ZDHHC11B: variants seen among roughly 807,000 people sequenced by gnomAD.
The protein encoded by ZDHHC11B is probable palmitoyltransferase ZDHHC11B.
A neutral mutation model predicts 42.3 loss-of-function variants in ZDHHC11B; 17 were observed. That is an observed-to-expected ratio of 0.40 (90% CI 0.27 to 0.60). ZDHHC11B has a LOEUF of 0.60. Among genes scored for constraint, ZDHHC11B ranks in the 20% least tolerant of loss-of-function variants. The pLI is 0.41. For missense variants in ZDHHC11B, 262 were observed against 463.2 expected (o/e 0.57, Z 3.99); for synonymous variants, 123 against 193.5 (o/e 0.64, Z 3.02).
At chr5:724,662 TACACACACACACACAC>T (rs58690111) in intron 12 of ZDHHC11B, among the ~76,000 whole-genome samples, 1 of 145,038 alleles carries the variant, frequency 6.9e-6, no homozygotes, top group Non-Finnish European at 1.5e-5. Context: ...GACCATCAGT[TACACACACACACACAC>T]ACACACACAC....
intron 4 of ZDHHC11B, among the ~76,000 whole-genome samples, chr5:763,853 C>T (rs1316133096): frequency 7.2e-5 from 11 of 151,802 alleles, no homozygotes; most frequent in South Asian, 2.1e-4. Context: ...TGAAATTTCC[C>T]GATGTCCGAG....
chr5:766,559 A>T (rs1437601139), intron 4 of ZDHHC11B, 139 bp downstream of exon 4: 6 of 994,892 alleles, frequency 6.0e-6, no homozygotes, highest in Non-Finnish European at 8.9e-6. Context: ...GCCCACCTGC[A>T]GGCTCGGGGG....
chr5:734,038 G>A (rs143407622), intron 10 of ZDHHC11B, among the ~76,000 whole-genome samples, 199 bp from the exon 11 acceptor site: 10,192 of 137,828 alleles, frequency 0.074, 553 homozygotes, highest in African/African-American at 0.25. Context: ...GAAGCTTCTC[G>A]TGTAAAGGAC....
intron 1 of ZDHHC11B, among the ~76,000 whole-genome samples, chr5:783,948 C>T (rs1173676211): frequency 4.6e-5 from 7 of 150,706 alleles, no homozygotes; most frequent in African/African-American, 9.8e-5. Flanking sequence ...TCACCTCCCT[C>T]GGCTCCGTTT....
chr5:732,566 C>A, intron 11 of ZDHHC11B: 1 of 429,518 alleles, frequency 2.3e-6, no homozygotes, highest in Middle Eastern at 4.8e-4. Context: ...AAGTCTTGGA[C>A]ACCAGCCTCA....
intron 1 of ZDHHC11B, among the ~76,000 whole-genome samples, chr5:777,036 G>A (rs900495860): frequency 6.6e-6 from 1 of 151,860 alleles, no homozygotes; most frequent in African/African-American, 2.4e-5. Context: ...CAGTGTGTCT[G>A]GAATTGGTGG....
chr5:758,342 C>T (rs1734133663), intron 4 of ZDHHC11B, among the ~76,000 whole-genome samples: 1 of 151,932 alleles, frequency 6.6e-6, no homozygotes, highest in Non-Finnish European at 1.5e-5. Context: ...GCAGGTGAAG[C>T]TCAGGCTGAG....
chr5:718,774 A>C (rs1741969261), intron 12 of ZDHHC11B, among the ~76,000 whole-genome samples: 1 of 151,584 alleles, frequency 6.6e-6, no homozygotes, highest in South Asian at 2.1e-4. Context: ...TGAGCCAGCT[A>C]CCGCCTCGAT....
At chr5:769,605 G>A (rs57145013) in intron 1 of ZDHHC11B, among the ~76,000 whole-genome samples, 8 of 151,712 alleles carry the variant, frequency 5.3e-5, no homozygotes, top group East Asian at 1.9e-4. Context: ...TTCCTCACGC[G>A]AGCCCGCGAG....
intron 3 of ZDHHC11B, 75 bp from the exon 4 acceptor site, chr5:766,994 C>T: frequency 1.3e-6 from 2 of 1,518,814 alleles, no homozygotes; most frequent in South Asian, 1.2e-5. Context: ...TCAGGGAGAC[C>T]ACGGGGACTG....
chr5:753,866 C>T lies in ZDHHC11B; in HGVS notation c.503+1132G>A, dbSNP rs536074921. On this transcript the variant is annotated intron_variant, in intron 6 of 13. Coordinates refer to ENST00000508859, the MANE Select transcript of ZDHHC11B (RefSeq NM_001351303.2). ...CAGGCAACGTTGGTCCCCACTCCCA[C>T]GCACACCAAGGCCTCTTTCAGGTCA... is the stretch of plus-strand genomic sequence containing the variant. 8.6e-4 allele frequency among the ~76,000 whole-genome samples: 126 copies of T among 146,694 alleles called. 7 individuals are homozygous for T. Among genetic ancestry groups the T allele is most frequent in the African/African-American group, 2.4e-3 (97 of 40,694 alleles).
At chr5:716,748 G>A (rs1561111412) in intron 13 of ZDHHC11B, 53 bp downstream of exon 13, 7 of 1,608,904 alleles carry the variant, frequency 4.4e-6, no homozygotes, top group Non-Finnish European at 6.0e-6. Context: ...TCACTCTCTA[G>A]AGAACCAAAC....
In ZDHHC11B at chr5:753,423, CG is replaced by C. The variant is rs1482065781; in HGVS notation, c.503+1574del. 1.5e-5 allele frequency among the ~76,000 whole-genome samples: 2 copies of C among 131,182 alleles called. 1 individual carries two copies. The highest frequency in any genetic ancestry group is 1.7e-4 in the Admixed American group (2 of 11,490). The allele number at this position is 131,182 out of a possible 152,430, so 86.1% of individuals were successfully genotyped here. On this transcript the variant is annotated intron_variant, in intron 6 of 13. Coordinates refer to ENST00000508859, the MANE Select transcript of ZDHHC11B (RefSeq NM_001351303.2). ...CTGATGCCCCTTTCCCACACACAGG[CG>C]GTGTCTACACTTGGCACCCACGTGG...
At chr5:746,626 G>A (rs1388913550) in intron 8 of ZDHHC11B, among the ~76,000 whole-genome samples, 1 of 148,168 alleles carries the variant, frequency 6.7e-6, no homozygotes, top group African/African-American at 2.5e-5. Context: ...GCACTTCCCT[G>A]CTCTGCCACC....
At chr5:725,120 G>A (rs1742481079) in intron 12 of ZDHHC11B, among the ~76,000 whole-genome samples, 2 of 151,420 alleles carry the variant, frequency 1.3e-5, no homozygotes, top group African/African-American at 4.9e-5. Context: ...CCGGATGACA[G>A]GATTCGTGAG....
chr5:720,690 T>A (rs1742116671), intron 12 of ZDHHC11B, among the ~76,000 whole-genome samples: 2 of 151,806 alleles, frequency 1.3e-5, no homozygotes, highest in South Asian at 4.2e-4. Context: ...TTTAAAAGTC[T>A]AATGCATAAT....
rs1191752318 is a variant in ZDHHC11B at position 750,083 on chromosome 5, T to C, written c.628+1050A>G. Reference sequence around the variant, plus strand: ...GGAACAAGGGCAGGCAAGTCCTCCCTGTCTCACCACCCGGGCTGTGTGCAG... The same window carrying C: ...GGAACAAGGGCAGGCAAGTCCTCCCCGTCTCACCACCCGGGCTGTGTGCAG... On this transcript the variant is annotated intron_variant, in intron 7 of 13. Transcript: ENST00000508859. Among the ~76,000 whole-genome samples the C allele has an allele frequency of 6.5e-4, 67 of 103,526 alleles. 2 individuals carry two copies. Among genetic ancestry groups the C allele is most frequent in the African/African-American group, 2.1e-3 (63 of 29,964 alleles). 67.9% of individuals were successfully genotyped at this position (103,526 alleles called of 152,430 possible). A position where few individuals can be genotyped will look rare whatever the true frequency, so the allele number is the denominator to read the frequency against.
intron 1 of ZDHHC11B, among the ~76,000 whole-genome samples, chr5:783,279 A>T (rs1736990561): frequency 6.6e-6 from 1 of 152,260 alleles, no homozygotes; most frequent in African/African-American, 2.4e-5. Context: ...AGGCGCTGGC[A>T]CCGAGCGGCT....
intron 10 of ZDHHC11B, among the ~76,000 whole-genome samples, chr5:737,162 T>C: frequency 6.7e-6 from 1 of 149,192 alleles, no homozygotes; most frequent in African/African-American, 2.5e-5. Flanking sequence ...ATACAAAAGA[T>C]CATTTAAGGC....
Sources: allele counts gnomAD v4.1 joint callset (sites outside exome capture counted in the v4.1 genomes callset), GRCh38; gene constraint gnomAD v4.1.1; transcripts MANE v1.5; gene names NCBI Gene and HGNC (gene_info 2026-07-23, HGNC 2026-07-21).